MAPKAP1: variants seen among roughly 807,000 people sequenced by gnomAD.
MAPKAP1 encodes the protein MAPK associated protein 1.
MAPKAP1 carries 20 observed loss-of-function variants against 65.7 expected under a neutral mutation model. The observed-to-expected ratio is 0.30, with a 90% CI of 0.21 to 0.44. The LOEUF is 0.44. Among genes scored for constraint, MAPKAP1 ranks in the 20% least tolerant of loss-of-function variants. MAPKAP1 has a pLI of 1.00. For synonymous variants in MAPKAP1, 222 were observed against 244.3 expected, an observed-to-expected ratio of 0.91 and a Z score of 0.85; for missense variants, 423 against 648.0, an observed-to-expected ratio of 0.65 and a Z score of 3.77.
At chr9:125,624,422 G>C (rs1365319271) in intron 4 of MAPKAP1, among the ~76,000 whole-genome samples, 1 of 107,190 alleles carries the variant, frequency 9.3e-6, no homozygotes, top group African/African-American at 3.4e-5. Flanking sequence ...CGCCCCGTCC[G>C]GGAGGGAGGT....
At chr9:125,610,210 T>G (rs1055425947) in intron 4 of MAPKAP1, among the ~76,000 whole-genome samples, 1 of 152,264 alleles carries the variant, frequency 6.6e-6, no homozygotes, top group Non-Finnish European at 1.5e-5. Flanking sequence ...GTAATATATA[T>G]TCCTCTCCCA....
At chr9:125,546,262 G>C (rs1589275933) in intron 6 of MAPKAP1, among the ~76,000 whole-genome samples, 1 of 152,214 alleles carries the variant, frequency 6.6e-6, no homozygotes, top group African/African-American at 2.4e-5. Context: ...AGGAGAAAGA[G>C]GTTCTGCCCT....
chr9:125,522,984 C>T (rs1829662496), intron 7 of MAPKAP1, among the ~76,000 whole-genome samples: 1 of 152,162 alleles, frequency 6.6e-6, no homozygotes, highest in Non-Finnish European at 1.5e-5. Flanking sequence ...ATCTTCTCTC[C>T]TTCTGACCCC....
chr9:125,606,873 G>C (rs965721953), intron 4 of MAPKAP1, among the ~76,000 whole-genome samples: 2 of 152,180 alleles, frequency 1.3e-5, no homozygotes, highest in Non-Finnish European at 2.9e-5. Context: ...TAGGGGCATG[G>C]AGCTAGGGGA....
chr9:125,461,167 G>A (rs1175028819), intron 10 of MAPKAP1, among the ~76,000 whole-genome samples: 1 of 152,216 alleles, frequency 6.6e-6, no homozygotes, highest in Non-Finnish European at 1.5e-5. Flanking sequence ...AACCTAAGAA[G>A]ACAGTTCAAC....
chr9:125,526,314 A>G (rs1397855846), intron 7 of MAPKAP1, among the ~76,000 whole-genome samples: 1 of 152,230 alleles, frequency 6.6e-6, no homozygotes, highest in African/African-American at 2.4e-5. Flanking sequence ...AGAAAGAAGT[A>G]AGAATGTCAA....
Position 125,595,808 on chromosome 9 carries a change from G to T in MAPKAP1, c.499-10081C>A. 8.8e-7 allele frequency: 1 copy of T among 1,137,268 alleles called. No homozygotes were observed. Among genetic ancestry groups the T allele is most frequent in the Non-Finnish European group, 1.3e-6 (1 of 761,814 alleles). The allele number at this position is 1,137,268 out of a possible 1,614,324, so 70.4% of individuals were successfully genotyped here. On this transcript the variant is annotated intron_variant, in intron 4 of 11. Transcript: ENST00000265960. This position sits in a 1 kb window ranked among gnomAD's most constrained non-coding sequence, Gnocchi z 4.0. ...GCTCCCAGACTGTGTGGTAATGAAA[G>T]ATTCCAACACCAAGCGTTCCGGGGG...
At chr9:125,669,677 C>T (rs1588057181) in intron 3 of MAPKAP1, 141 bp downstream of exon 3, 1 of 463,412 alleles carries the variant, frequency 2.2e-6, no homozygotes, top group Non-Finnish European at 3.8e-6. Flanking sequence ...TCAAGGCACA[C>T]AAGAGAAAGA....
At chr9:125,702,712 C>T (rs1482912226) in intron 1 of MAPKAP1, among the ~76,000 whole-genome samples, 1 of 151,502 alleles carries the variant, frequency 6.6e-6, no homozygotes, top group Non-Finnish European at 1.5e-5. Context: ...ATTAGCTGGG[C>T]GTGGTGATGG....
chr9:125,625,416 A>G (rs1833088566), intron 4 of MAPKAP1, among the ~76,000 whole-genome samples: 1 of 152,116 alleles, frequency 6.6e-6, no homozygotes, highest in Non-Finnish European at 1.5e-5. Context: ...AAAAACAAAA[A>G]ACAAAAAAAC....
intron 7 of MAPKAP1, among the ~76,000 whole-genome samples, chr9:125,523,722 A>AT (rs553962037): frequency 2.1e-4 from 32 of 152,252 alleles, no homozygotes; most frequent in Middle Eastern, 3.4e-3. Flanking sequence ...TGACAATGGG[A>AT]TTTTTACTCA....
chr9:125,599,531 A>G (rs1489569981), intron 4 of MAPKAP1, among the ~76,000 whole-genome samples: 1 of 152,146 alleles, frequency 6.6e-6, no homozygotes, highest in Non-Finnish European at 1.5e-5. Flanking sequence ...AATCCTTTCA[A>G]GAGTACAACA....
At chr9:125,653,169 G>A (rs1833940172) in intron 4 of MAPKAP1, among the ~76,000 whole-genome samples, 1 of 152,228 alleles carries the variant, frequency 6.6e-6, no homozygotes, top group Non-Finnish European at 1.5e-5. Context: ...AACTTGTAGA[G>A]AAGAAACATT....
chr9:125,562,074 T>A (rs757789571), intron 5 of MAPKAP1, among the ~76,000 whole-genome samples: 4 of 152,222 alleles, frequency 2.6e-5, no homozygotes, highest in Non-Finnish European at 5.9e-5. Flanking sequence ...TATTGCCATG[T>A]AAATCAACCT....
At chr9:125,464,290 C>T (rs1589214780) in intron 10 of MAPKAP1, among the ~76,000 whole-genome samples, 1 of 123,574 alleles carries the variant, frequency 8.1e-6, no homozygotes, top group Admixed American at 8.5e-5. Flanking sequence ...AAAATTTAAA[C>T]ATGGTAGTTT....
At chr9:125,452,955 T>C (rs1853011406) in intron 10 of MAPKAP1, among the ~76,000 whole-genome samples, 1 of 152,108 alleles carries the variant, frequency 6.6e-6, no homozygotes, top group Non-Finnish European at 1.5e-5. Context: ...TTAAAAAATA[T>C]ATATTAACTC....
At chr9:125,563,007 C>A (rs1564559738) in intron 5 of MAPKAP1, among the ~76,000 whole-genome samples, 1 of 152,146 alleles carries the variant, frequency 6.6e-6, no homozygotes, top group Non-Finnish European at 1.5e-5. Context: ...AGAAGGAAAC[C>A]ATGACATATT....
chr9:125,558,058 T>C lies in MAPKAP1; in HGVS notation c.848+1575A>G, dbSNP rs561974651. ...TTTTAGTAGAGACGGGGTTTCACCA[T>C]GTTGGCCAAGCTGGTTTCGAACTCT... On this transcript the variant is annotated intron_variant, in intron 6 of 11. Transcript: ENST00000265960. Among the ~76,000 whole-genome samples the C allele has an allele frequency of 3.8e-3, 586 of 152,264 alleles. 3 individuals carry two copies. The highest frequency in any genetic ancestry group is 6.5e-3 in the Non-Finnish European group (443 of 68,022).
chr9:125,657,505 G>T, intron 4 of MAPKAP1, 146 bp downstream of exon 4: 1 of 738,194 alleles, frequency 1.4e-6, no homozygotes, highest in Non-Finnish European at 2.1e-6. Flanking sequence ...TTTACATCAA[G>T]TCTTAGAAAA....
Sources: gnomAD v4.1 joint callset for allele counts (sites outside exome capture counted in the v4.1 genomes callset) on GRCh38, gnomAD v4.1.1 for gene constraint, Gnocchi (gnomAD v3.1) non-coding constraint, MANE v1.5 for transcripts, NCBI Gene and HGNC (gene_info 2026-07-23, HGNC 2026-07-21) for gene names.